AR: variants seen among roughly 807,000 people sequenced by gnomAD.
AR encodes dihydrotestosterone receptor.
In AR, 8 loss-of-function variants were observed where a neutral mutation model predicts 53.9. The ratio of observed to expected loss-of-function variants is 0.15; its 90% CI spans 0.09 to 0.27. AR has a LOEUF of 0.27. Ranked by LOEUF, AR falls within the 10% of genes least tolerant of loss-of-function variation. The pLI is 1.00. For missense variants in AR, 639 were observed against 742.5 expected (o/e 0.86, Z 1.62); for synonymous variants, 359 against 316.4 (o/e 1.13, Z -1.43).
chrX:67,656,734 G>A (rs754105327), intron 2 of AR, among the ~76,000 whole-genome samples: 7 of 110,812 alleles, frequency 6.3e-5, no homozygotes, highest in Non-Finnish European at 1.3e-4. Flanking sequence ...TCTGTTTTAT[G>A]TCAGGCCTCG....
At chrX:67,603,144 C>G (rs1266082028) in intron 1 of AR, among the ~76,000 whole-genome samples, 1 of 111,605 alleles carries the variant, frequency 9.0e-6, no homozygotes, top group Non-Finnish European at 1.9e-5. Context: ...TCCCACAATG[C>G]AATTTTAGGA....
At chrX:67,701,113 A>G (rs1247390770) in intron 3 of AR, among the ~76,000 whole-genome samples, 2 of 112,119 alleles carry the variant, frequency 1.8e-5, no homozygotes, top group African/African-American at 3.2e-5. Flanking sequence ...ACAGCCACTA[A>G]CTACATGTAG....
rs1186494303 is a variant in AR, at chrX:67,728,553, GTATCCATGTTTCAAAATTGAAA to G, written c.*4716_*4737del. The G allele has an allele frequency of 1.2e-5, 1 of 85,839 alleles. No homozygotes were observed. Among genetic ancestry groups the G allele is most frequent in the African/African-American group, 4.9e-5 (1 of 20,366 alleles). The allele number at this position is 85,839 out of a possible 1,213,427, so 7.1% of individuals were successfully genotyped here. Reference sequence around the variant, plus strand: ...TGAAATACATTGTAAATGAATATTTGTATCCATGTTTCAAAATTGAAATATATATATATATATATATATATAT... The same window carrying G: ...TGAAATACATTGTAAATGAATATTTGTATATATATATATATATATATATAT... On this transcript the variant is annotated 3_prime_UTR_variant, in exon 8 of 8. Coordinates refer to ENST00000374690, the MANE Select transcript of AR (RefSeq NM_000044.6).
chrX:67,676,381 G>A (rs1368628140), intron 2 of AR, among the ~76,000 whole-genome samples: 1 of 112,348 alleles, frequency 8.9e-6, no homozygotes. Context: ...ACAAAAAATA[G>A]TCTGTTGCAG....
At chrX:67,669,131 G>T (rs1283927163) in intron 2 of AR, among the ~76,000 whole-genome samples, 1 of 111,007 alleles carries the variant, frequency 9.0e-6, no homozygotes, top group Non-Finnish European at 1.9e-5. Flanking sequence ...TCTTTAAGAT[G>T]CATTGTTAGG....
intron 2 of AR, among the ~76,000 whole-genome samples, chrX:67,661,547 C>T (rs1246966509): frequency 9.0e-6 from 1 of 111,610 alleles, no homozygotes; most frequent in East Asian, 2.8e-4. Flanking sequence ...ACCAGCCTTG[C>T]ATCCCAGGGA....
At chrX:67,695,935 A>G in intron 3 of AR, 3 of 753,729 alleles carry the variant, frequency 4.0e-6, no homozygotes, top group Non-Finnish European at 4.7e-6. Flanking sequence ...TCAGGGCAGA[A>G]TTTTAATCTC....
chrX:67,716,900 C>G (rs765940345), intron 4 of AR, among the ~76,000 whole-genome samples: 8 of 112,078 alleles, frequency 7.1e-5, no homozygotes, highest in African/African-American at 1.9e-4. Context: ...ACCTTGGAAT[C>G]TGACTGCTTT....
rs374384406 is a variant in AR, at chrX:67,706,852, T to C, written c.1886-4550T>C. Among the ~76,000 whole-genome samples the C allele has an allele frequency of 1.5e-4, 17 of 112,268 alleles. 1 individual carries two copies. The South Asian group carries it at 6.0e-3, about 39-fold the overall frequency. ...CAGAGATTCTGGTATGTTGTGTCTTTGTTCTCATTGGTTTCAAGGAACATC... is the reference window on the plus strand; with the variant it reads ...CAGAGATTCTGGTATGTTGTGTCTTCGTTCTCATTGGTTTCAAGGAACATC... On this transcript the variant is annotated intron_variant, in intron 3 of 7. Coordinates refer to ENST00000374690, the MANE Select transcript of AR (RefSeq NM_000044.6).
rs1249892525 is a variant in AR at position 67,730,470 on chromosome X, G to C, written c.*6629G>C. 1.7e-5 allele frequency: 3 copies of C among 172,040 alleles called. No homozygotes were observed. The highest frequency in any genetic ancestry group is 3.3e-5 in the Non-Finnish European group (3 of 90,250). 14.2% of individuals were successfully genotyped at this position (172,040 alleles called of 1,213,427 possible). ...ATGTCATCCATTGTGTAAAATATTGGCTTACTGGTCTGCCAGCTAAAACTT... is the reference window on the plus strand; with the variant it reads ...ATGTCATCCATTGTGTAAAATATTGCCTTACTGGTCTGCCAGCTAAAACTT... On this transcript the variant is annotated 3_prime_UTR_variant, in exon 8 of 8. Coordinates refer to ENST00000374690, the MANE Select transcript of AR (RefSeq NM_000044.6).
intron 3 of AR, among the ~76,000 whole-genome samples, chrX:67,693,016 A>T (rs2076002863): frequency 1.8e-5 from 2 of 112,961 alleles, no homozygotes; most frequent in South Asian, 7.1e-4. Flanking sequence ...GAAAAAACAG[A>T]GACTGCGTCT....
intron 3 of AR, among the ~76,000 whole-genome samples, chrX:67,705,299 C>G (rs1380076191): frequency 5.4e-5 from 6 of 110,922 alleles, no homozygotes; most frequent in South Asian, 7.7e-4. Flanking sequence ...TCTTCCATTT[C>G]TTTGTATCCT....
intron 2 of AR, among the ~76,000 whole-genome samples, chrX:67,656,965 A>G (rs1218633891): frequency 2.7e-5 from 3 of 110,329 alleles, no homozygotes; most frequent in African/African-American, 6.6e-5. Context: ...GATAAGTGTC[A>G]TAAGAGATAA....
chrX:67,725,377 C>A lies in AR; in HGVS notation c.*1536C>A. On this transcript the variant is annotated 3_prime_UTR_variant, in exon 8 of 8. Transcript: ENST00000374690. ...GCCCTTGTCCCCCAGAGATGATACC[C>A]TCCCAGCAAGTGGAGAAGTTCTCAC... The A allele has an allele frequency of 5.7e-6, 1 of 175,905 alleles. No homozygotes were observed. Among genetic ancestry groups the A allele is most frequent in the Non-Finnish European group, 1.1e-5 (1 of 91,734 alleles). The allele number at this position is 175,905 out of a possible 1,213,427, so 14.5% of individuals were successfully genotyped here. A position where few individuals can be genotyped will look rare whatever the true frequency, so the allele number is the denominator to read the frequency against.
chrX:67,681,401 G>A (rs1209380468), intron 2 of AR, among the ~76,000 whole-genome samples: 1 of 111,653 alleles, frequency 9.0e-6, no homozygotes, highest in African/African-American at 3.3e-5. Flanking sequence ...ATGCTTCCTA[G>A]ACAAAGAGAA....
In AR at chrX:67,679,459, A is replaced by G. The variant is rs184275756; in HGVS notation, c.1769-6551A>G. ...CAACTTTTTCTATTTAAATAATGCT[A>G]CAATAAACTTCTATTTTGTGCTTAT... On this transcript the variant is annotated intron_variant, in intron 2 of 7. Coordinates refer to ENST00000374690, the MANE Select transcript of AR (RefSeq NM_000044.6). Among the ~76,000 whole-genome samples the G allele has an allele frequency of 5.4e-5, 6 of 111,992 alleles. No individual in the cohort carries two copies. The East Asian group carries it at 1.7e-3, about 31-fold the overall frequency.
At chrX:67,578,574 A>G (rs1922155791) in intron 1 of AR, among the ~76,000 whole-genome samples, 1 of 112,031 alleles carries the variant, frequency 8.9e-6, no homozygotes, top group Non-Finnish European at 1.9e-5. Flanking sequence ...GCTGTGTGTC[A>G]CTGTGCAAGT....
intron 1 of AR, among the ~76,000 whole-genome samples, chrX:67,632,221 G>A (rs1925181022): frequency 9.1e-6 from 1 of 109,402 alleles, no homozygotes; most frequent in Non-Finnish European, 1.9e-5. Context: ...GGCAATGGCA[G>A]GTGCCCCTCC....
At chrX:67,700,987 G>T (rs763223139) in intron 3 of AR, among the ~76,000 whole-genome samples, 1 of 111,324 alleles carries the variant, frequency 9.0e-6, no homozygotes, top group Non-Finnish European at 1.9e-5. Context: ...AATAGCTTTA[G>T]TGGGGTATTG....
Sources: gnomAD v4.1 joint callset for allele counts (sites outside exome capture counted in the v4.1 genomes callset) on GRCh38, gnomAD v4.1.1 for gene constraint, MANE v1.5 for transcripts, NCBI Gene and HGNC (gene_info 2026-07-23, HGNC 2026-07-21) for gene names.